NKAIN1: variants seen among roughly 807,000 people sequenced by gnomAD.
The protein encoded by NKAIN1 is sodium/potassium transporting ATPase interacting 1.
A neutral mutation model predicts 31.6 loss-of-function variants in NKAIN1; 13 were observed. The ratio of observed to expected loss-of-function variants is 0.41; its 90% CI spans 0.27 to 0.65. The LOEUF (loss-of-function observed/expected upper bound fraction) is 0.65. NKAIN1 is among the 30% of genes least tolerant of loss of function. NKAIN1 has a pLI of 0.30. For missense variants in NKAIN1, 193 were observed against 262.2 expected (o/e 0.74, Z 1.82); for synonymous variants, 104 against 109.0 (o/e 0.95, Z 0.28).
intron 1 of NKAIN1, among the ~76,000 whole-genome samples, chr1:31,221,978 A>C (rs1645568771): frequency 6.6e-6 from 1 of 152,114 alleles, no homozygotes; most frequent in Non-Finnish European, 1.5e-5. Context: ...TCCCGGGTTC[A>C]AGCAATCCTC....
chr1:31,191,399 GGTTT>G (rs1557650861), intron 1 of NKAIN1, among the ~76,000 whole-genome samples: 23 of 106,122 alleles, frequency 2.2e-4, no homozygotes, highest in Middle Eastern at 6.0e-3. Context: ...AACAGAGAGA[GGTTT>G]TTTTTTTTTT....
At chr1:31,206,087 T>A (rs558312989) in intron 1 of NKAIN1, among the ~76,000 whole-genome samples, 3 of 149,566 alleles carry the variant, frequency 2.0e-5, no homozygotes, top group Admixed American at 6.7e-5. Flanking sequence ...ATACAAAAAT[T>A]AGCTGGGCGT....
At chr1:31,232,826 T>G (rs1349790699) in intron 1 of NKAIN1, among the ~76,000 whole-genome samples, 3 of 152,098 alleles carry the variant, frequency 2.0e-5, no homozygotes, top group Non-Finnish European at 1.5e-5. Context: ...CCTTGATGAC[T>G]ACTCTGAGGC....
rs140820750 is a variant in NKAIN1, at chr1:31,226,967, G to C, written c.54+12527C>G. Among the ~76,000 whole-genome samples, 1,192 of 151,358 alleles carry C rather than the reference G, an allele frequency of 7.9e-3. 12 individuals carry two copies. The highest frequency in any genetic ancestry group is 0.027 in the African/African-American group (1,129 of 41,178). On this transcript the variant is annotated intron_variant, in intron 1 of 6. Coordinates refer to ENST00000373736, the MANE Select transcript of NKAIN1 (RefSeq NM_024522.3). The stretch of plus-strand genomic sequence containing the variant: ...AGACTCCTGAATAGCTGGGATTACA[G>C]GTGCACGCCACCACACCCAGCTAAT...
In NKAIN1 at chr1:31,239,628, C is replaced by G; in HGVS notation, c.-81G>C. 4 of 783,856 alleles carry G rather than the reference C, an allele frequency of 5.1e-6. No homozygotes were observed. Among genetic ancestry groups the G allele is most frequent in the Non-Finnish European group, 6.3e-6 (4 of 634,990 alleles). 48.6% of individuals were successfully genotyped at this position (783,856 alleles called of 1,614,324 possible). A position where few individuals can be genotyped will look rare whatever the true frequency, so the allele number is the denominator to read the frequency against. On this transcript the variant is annotated 5_prime_UTR_variant, in exon 1 of 7. Transcript: ENST00000373736. This position sits in a 1 kb window ranked among gnomAD's most constrained non-coding sequence, Gnocchi z 4.8. The stretch of plus-strand genomic sequence containing the variant: ...CCGCCTGCTCGCGCCGCGCGGGCTC[C>G]ACGTCCTCCCCGCTGGGCGCGCCGG...
chr1:31,227,218 GC>G (rs1645614866), intron 1 of NKAIN1, among the ~76,000 whole-genome samples: 1 of 152,244 alleles, frequency 6.6e-6, no homozygotes, highest in Non-Finnish European at 1.5e-5. Context: ...CTCTGCCGCT[GC>G]CTCGTTGCGT....
rs180729702 is a variant in NKAIN1, at chr1:31,183,958, C to T, written c.330G>A (p.Glu110=). The T allele has an allele frequency of 1.5e-5, 24 of 1,614,126 alleles. No individual in the cohort carries two copies. Among genetic ancestry groups the T allele is most frequent in the East Asian group, 1.1e-4 (5 of 44,872 alleles). ...NTSLHRSWWM[E]NGPGCLVTPV... ...GTGTCACCAGGCAGCCTGGCCCATT[C>T]TCCATCCACCAGGAGCGGTGCAGGG... The change falls in exon 4 of 7, where the codon GAG becomes GAA. Residue 110 remains glutamate, a synonymous_variant. Transcript: ENST00000373736.
At chr1:31,219,243 G>T (rs1403354796) in intron 1 of NKAIN1, among the ~76,000 whole-genome samples, 2 of 152,268 alleles carry the variant, frequency 1.3e-5, no homozygotes, top group Non-Finnish European at 2.9e-5. Context: ...TTCAGCATAT[G>T]GGAAAGCCAG....
rs35873897 is a variant in NKAIN1 at position 31,213,128 on chromosome 1, C to CAA, written c.55-24943_55-24942dup. ...TGTACAGATAAAGTTGTTGAGGATACAAAAAAAAAGAAAGTGAGAAGTCAA... is the reference window on the plus strand; with the variant it reads ...TGTACAGATAAAGTTGTTGAGGATACAAAAAAAAAAAGAAAGTGAGAAGTCAA... On this transcript the variant is annotated intron_variant, in intron 1 of 6. Coordinates refer to ENST00000373736, the MANE Select transcript of NKAIN1 (RefSeq NM_024522.3). Among the ~76,000 whole-genome samples, 35 of 143,660 alleles carry CAA rather than the reference C, an allele frequency of 2.4e-4. No individual in the cohort carries two copies. In the East Asian group the frequency reaches 4.8e-3, roughly 20 times the overall value. The allele number at this position is 143,660 out of a possible 152,430, so 94.2% of individuals were successfully genotyped here. A position where few individuals can be genotyped will look rare whatever the true frequency, so the allele number is the denominator to read the frequency against.
chr1:31,188,562 C>A (rs1645262107), intron 1 of NKAIN1, among the ~76,000 whole-genome samples: 1 of 152,154 alleles, frequency 6.6e-6, no homozygotes, highest in African/African-American at 2.4e-5. Context: ...TTCCAAGGAT[C>A]CCCATCTGGA....
At chr1:31,204,345 G>A (rs1645407151) in intron 1 of NKAIN1, among the ~76,000 whole-genome samples, 1 of 152,100 alleles carries the variant, frequency 6.6e-6, no homozygotes, top group Non-Finnish European at 1.5e-5. Context: ...AGATGCTGAG[G>A]CCTTTCTTGG....
At chr1:31,217,533 C>A (rs1357142526) in intron 1 of NKAIN1, among the ~76,000 whole-genome samples, 1 of 152,206 alleles carries the variant, frequency 6.6e-6, no homozygotes, top group East Asian at 1.9e-4. Context: ...TCCCTACCAA[C>A]CCCCACCCGG....
At position 31,218,016 on chromosome 1, in the gene NKAIN1, T is replaced by TTTTTTCTTTCTTTC. The variant is rs773175985; in HGVS notation, c.54+21477_54+21478insGAAAGAAAGAAAAA. Among the ~76,000 whole-genome samples, 119 of 108,228 alleles carry TTTTTTCTTTCTTTC rather than the reference T, an allele frequency of 1.1e-3. 1 individual carries two copies. Among genetic ancestry groups the TTTTTTCTTTCTTTC allele is most frequent in the African/African-American group, 4.2e-3 (114 of 27,320 alleles). 71.0% of individuals were successfully genotyped at this position (108,228 alleles called of 152,430 possible). ...TTGGCCATAATCACAGCAGCTACCATTTTCTTTCTTTCTTTCTTTCTTTCT... is the reference window on the plus strand; with the variant it reads ...TTGGCCATAATCACAGCAGCTACCATTTTTTCTTTCTTTCTTTCTTTCTTTCTTTCTTTCTTTCT... On this transcript the variant is annotated intron_variant, in intron 1 of 6. Coordinates refer to ENST00000373736, the MANE Select transcript of NKAIN1 (RefSeq NM_024522.3).
chr1:31,225,801 T>C (rs1205818887), intron 1 of NKAIN1, among the ~76,000 whole-genome samples: 2 of 152,134 alleles, frequency 1.3e-5, no homozygotes, highest in Admixed American at 1.3e-4. Flanking sequence ...AGATTACCCC[T>C]CCATTCAAAT....
intron 4 of NKAIN1, among the ~76,000 whole-genome samples, chr1:31,183,212 T>G (rs1645215947): frequency 6.6e-6 from 1 of 152,096 alleles, no homozygotes; most frequent in South Asian, 2.1e-4. Flanking sequence ...TTTTTGTGAA[T>G]AAGGAAACAA....
Position 31,231,636 on chromosome 1 carries a change from C to T in NKAIN1, c.54+7858G>A, listed in dbSNP as rs560427545. Among the ~76,000 whole-genome samples the T allele has an allele frequency of 4.6e-5, 7 of 152,214 alleles. No individual in the cohort carries two copies. In the East Asian group the frequency reaches 5.8e-4, roughly 13 times the overall value. ...AGCTCCGCCTCCTGGGTTCATGCCA[C>T]TGTCCTGCCTCAGCCTCCCGAGTAG... is the stretch of plus-strand genomic sequence containing the variant. On this transcript the variant is annotated intron_variant, in intron 1 of 6. Coordinates refer to ENST00000373736, the MANE Select transcript of NKAIN1 (RefSeq NM_024522.3).
chr1:31,220,754 C>CAAA (rs772908877), intron 1 of NKAIN1, among the ~76,000 whole-genome samples: 1,326 of 57,864 alleles, frequency 0.023, 12 homozygotes, highest in African/African-American at 0.044. Context: ...ACTCCATCTC[C>CAAA]AAAAAAAAAA....
chr1:31,192,188 T>C lies in NKAIN1; in HGVS notation c.55-4001A>G, dbSNP rs75198968. Among the ~76,000 whole-genome samples the C allele has an allele frequency of 4.2e-3, 641 of 152,306 alleles. 37 individuals carry two copies. The East Asian group carries it at 0.099, about 23-fold the overall frequency. On this transcript the variant is annotated intron_variant, in intron 1 of 6. Coordinates refer to ENST00000373736, the MANE Select transcript of NKAIN1 (RefSeq NM_024522.3). ...CAGGTGCTGCTCTCTCCACTTGACA[T>C]GGAGTGGGGGCTGTTCTTCCCATTC...
chr1:31,220,942 C>G (rs1242451010), intron 1 of NKAIN1, among the ~76,000 whole-genome samples: 2 of 152,024 alleles, frequency 1.3e-5, no homozygotes, highest in Non-Finnish European at 2.9e-5. Context: ...CACTTCCAGG[C>G]CTCAAGGAGC....
Sources: gnomAD v4.1 joint callset for allele counts (sites outside exome capture counted in the v4.1 genomes callset) on GRCh38, gnomAD v4.1.1 for gene constraint, Gnocchi (gnomAD v3.1) non-coding constraint, MANE v1.5 for transcripts, NCBI Gene and HGNC (gene_info 2026-07-23, HGNC 2026-07-21) for gene names.